FOXJ3: variants seen among roughly 807,000 people sequenced by gnomAD.
The protein encoded by FOXJ3 is forkhead box J3.
In FOXJ3, 22 loss-of-function variants were observed where a neutral mutation model predicts 76.1. That is an observed-to-expected ratio of 0.29 (90% CI 0.21 to 0.41). The LOEUF is 0.41. FOXJ3 is among the 10% of genes least tolerant of loss of function. FOXJ3 has a pLI of 1.00. For missense variants in FOXJ3, 613 were observed against 762.1 expected, an observed-to-expected ratio of 0.80 and a Z score of 2.30; for synonymous variants, 269 against 261.2, an observed-to-expected ratio of 1.03 and a Z score of -0.29.
At chr1:42,183,285 G>A (rs1411075193) in intron 11 of FOXJ3, among the ~76,000 whole-genome samples, 1 of 116,900 alleles carries the variant, frequency 8.6e-6, no homozygotes, top group Admixed American at 8.7e-5. Flanking sequence ...CGGAGAGGGT[G>A]GAGCGGAGGG....
intron 1 of FOXJ3, among the ~76,000 whole-genome samples, chr1:42,324,101 T>A (rs201563533): frequency 0.049 from 1,110 of 22,482 alleles, 69 homozygotes; most frequent in Middle Eastern, 0.1. Flanking sequence ...GTATATATAC[T>A]GTGTATATAC....
intron 5 of FOXJ3, among the ~76,000 whole-genome samples, chr1:42,221,236 C>T (rs1425917717): frequency 1.3e-5 from 2 of 152,142 alleles, no homozygotes; most frequent in East Asian, 3.9e-4. Context: ...ATTATGAACA[C>T]AGTTCTGACC....
chr1:42,287,741 G>A (rs969301040), intron 2 of FOXJ3, among the ~76,000 whole-genome samples: 1 of 152,166 alleles, frequency 6.6e-6, no homozygotes, highest in South Asian at 2.1e-4. Context: ...CGGGCAGATC[G>A]CTTGAGCCCA....
chr1:42,196,723 C>A (rs1166654211), intron 7 of FOXJ3, among the ~76,000 whole-genome samples: 2 of 152,102 alleles, frequency 1.3e-5, no homozygotes, highest in Non-Finnish European at 2.9e-5. Flanking sequence ...TCTACAAAGT[C>A]TAGCTTTAAA....
intron 12 of FOXJ3, among the ~76,000 whole-genome samples, chr1:42,180,732 T>C (rs567451422): frequency 1.3e-5 from 2 of 152,356 alleles, no homozygotes; most frequent in South Asian, 2.1e-4. Flanking sequence ...AAAAAACTTA[T>C]AAGTTCCTTA....
At chr1:42,236,801 C>T (rs1334042356) in intron 4 of FOXJ3, among the ~76,000 whole-genome samples, 3 of 152,158 alleles carry the variant, frequency 2.0e-5, no homozygotes, top group African/African-American at 4.8e-5. Flanking sequence ...ACAGCTTTTC[C>T]GTCCTTGCCA....
rs1389092274 is a variant in FOXJ3, at chr1:42,179,158, C to T, written c.*552G>A. ...TGACTTATTAGATAGAATTCATTAC[C>T]CACATTTCTAAAAAAGATTAAATAA... On this transcript the variant is annotated 3_prime_UTR_variant, in exon 13 of 13. Transcript: ENST00000361346. 6.6e-6 allele frequency: 1 copy of T among 152,490 alleles called. No individual in the cohort carries two copies. The allele number at this position is 152,490 out of a possible 1,614,324, so 9.4% of individuals were successfully genotyped here. A position where few individuals can be genotyped will look rare whatever the true frequency, so the allele number is the denominator to read the frequency against.
chr1:42,221,203 A>G (rs1647178459), intron 5 of FOXJ3, among the ~76,000 whole-genome samples: 1 of 152,206 alleles, frequency 6.6e-6, no homozygotes, highest in Non-Finnish European at 1.5e-5. Flanking sequence ...ATGAATGAAA[A>G]AAGCAAAGAA....
intron 1 of FOXJ3, among the ~76,000 whole-genome samples, chr1:42,314,631 A>G (rs557897032): frequency 1.3e-5 from 2 of 152,304 alleles, no homozygotes; most frequent in South Asian, 4.1e-4. Flanking sequence ...TGACCCAAAC[A>G]TCCTCTAGGG....
At chr1:42,248,730 CTTTTTTTTTTTTTT>C (rs4019587) in intron 4 of FOXJ3, among the ~76,000 whole-genome samples, 4 of 92,192 alleles carry the variant, frequency 4.3e-5, no homozygotes, top group Non-Finnish European at 6.2e-5. Flanking sequence ...CCTGTTTTTT[CTTTTTTTTTTTTTT>C]TTTTTTTTTT....
rs551109967 is a variant in FOXJ3, at chr1:42,263,976, A to T, written c.444+1139T>A. On this transcript the variant is annotated intron_variant, in intron 4 of 12. Transcript: ENST00000361346. ...TTTTTTTTGAAGATTGCTGCCTACTATGTGAAAGTTAATATAAACTGGAGG... is the reference window on the plus strand; with the variant it reads ...TTTTTTTTGAAGATTGCTGCCTACTTTGTGAAAGTTAATATAAACTGGAGG... 6.3e-5 allele frequency among the ~76,000 whole-genome samples: 7 copies of T among 110,802 alleles called. No individual in the cohort carries two copies. The Admixed American group carries it at 7.1e-4, about 11-fold the overall frequency. 72.7% of individuals were successfully genotyped at this position (110,802 alleles called of 152,430 possible). A position where few individuals can be genotyped will look rare whatever the true frequency, so the allele number is the denominator to read the frequency against.
chr1:42,245,557 G>C (rs1346353952), intron 4 of FOXJ3, among the ~76,000 whole-genome samples: 1 of 152,098 alleles, frequency 6.6e-6, no homozygotes, highest in Non-Finnish European at 1.5e-5. Flanking sequence ...TCAACAGAAT[G>C]AAAGACAAAA....
chr1:42,310,825 A>G (rs1325355949), intron 2 of FOXJ3, among the ~76,000 whole-genome samples: 1 of 152,108 alleles, frequency 6.6e-6, no homozygotes. Context: ...ACCACACTAT[A>G]CTCAGTTCAC....
intron 2 of FOXJ3, among the ~76,000 whole-genome samples, chr1:42,307,637 T>A (rs917541407): frequency 6.6e-6 from 1 of 152,198 alleles, no homozygotes; most frequent in Admixed American, 6.5e-5. Flanking sequence ...GTGACTTTTG[T>A]TGAAATGCAA....
chr1:42,306,202 C>T lies in FOXJ3; in HGVS notation c.44+4848G>A, dbSNP rs565893322. 2.0e-5 allele frequency among the ~76,000 whole-genome samples: 3 copies of T among 152,024 alleles called. No individual in the cohort carries two copies. The East Asian group carries it at 5.8e-4, about 29-fold the overall frequency. ...ACAGGTACATCTGAGGATTCAAATC[C>T]ATCTTATCCAAACTCAGGAAACAAA... On this transcript the variant is annotated intron_variant, in intron 2 of 12. Transcript: ENST00000361346.
chr1:42,266,379 A>T (rs1651465777), intron 3 of FOXJ3, among the ~76,000 whole-genome samples: 1 of 152,142 alleles, frequency 6.6e-6, no homozygotes, highest in Admixed American at 6.6e-5. Context: ...AAACAAAAAA[A>T]ACCTATTTTT....
intron 5 of FOXJ3, among the ~76,000 whole-genome samples, chr1:42,209,425 A>G (rs542692502): frequency 6.6e-6 from 1 of 152,358 alleles, no homozygotes; most frequent in East Asian, 1.9e-4. Flanking sequence ...CTTAACAGAA[A>G]AACTGAAAGA....
intron 4 of FOXJ3, among the ~76,000 whole-genome samples, chr1:42,262,279 T>A (rs510157): frequency 3.9e-5 from 6 of 152,084 alleles, no homozygotes; most frequent in Admixed American, 2.0e-4. Context: ...TTTCTGTGAC[T>A]GACAAGTATG....
chr1:42,290,863 C>T (rs951293236), intron 2 of FOXJ3, among the ~76,000 whole-genome samples: 1 of 152,030 alleles, frequency 6.6e-6, no homozygotes, highest in African/African-American at 2.4e-5. Context: ...TAATTTTCAA[C>T]CCTCCACTAA....
Sources: allele counts gnomAD v4.1 joint callset (sites outside exome capture counted in the v4.1 genomes callset), GRCh38; gene constraint gnomAD v4.1.1; transcripts MANE v1.5; gene names NCBI Gene and HGNC (gene_info 2026-07-23, HGNC 2026-07-21).